Variants in ITPR1 observed in about 807,000 individuals in gnomAD.
ITPR1 encodes inositol 1,4,5-trisphosphate-gated calcium channel ITPR1.
In ITPR1, 96 loss-of-function variants were observed where a neutral mutation model predicts 318.4. The observed-to-expected ratio is 0.30, with a 90% CI of 0.26 to 0.36. The LOEUF (loss-of-function observed/expected upper bound fraction) is 0.36. Ranked by LOEUF, ITPR1 falls within the 10% of genes least tolerant of loss-of-function variation. The pLI, the probability that ITPR1 is intolerant of heterozygous loss-of-function variation, is 1.00. For synonymous variants in ITPR1, 1,312 were observed against 1,289.9 expected (o/e 1.02, Z -0.37); for missense variants, 2,440 against 3,460.2 (o/e 0.71, Z 7.40).
Position 4,846,612 on chromosome 3 carries a change from T to A in ITPR1, c.*387T>A, listed in dbSNP as rs962276578. 1 of 157,124 alleles carries A rather than the reference T, an allele frequency of 6.4e-6. No homozygotes were observed. Among genetic ancestry groups the A allele is most frequent in the Non-Finnish European group, 1.4e-5 (1 of 70,850 alleles). The allele number at this position is 157,124 out of a possible 1,614,324, so 9.7% of individuals were successfully genotyped here. A position where few individuals can be genotyped will look rare whatever the true frequency, so the allele number is the denominator to read the frequency against. ...ATACGAATTATGCAATCACAATACA[T>A]TTGTAGCTCCCGAGTGTCCTAAAGG... On this transcript the variant is annotated 3_prime_UTR_variant, in exon 62 of 62. Transcript: ENST00000649015.
intron 46 of ITPR1, among the ~76,000 whole-genome samples, chr3:4,770,148 A>G (rs916460631): frequency 1.3e-5 from 2 of 152,176 alleles, no homozygotes; most frequent in African/African-American, 4.8e-5. Context: ...GCTAGTCCAG[A>G]TCTGGCCAGG....
In ITPR1 at chr3:4,665,147, T is replaced by C. The variant is rs761293724; in HGVS notation, c.1564T>C (p.Leu522=). The C allele has an allele frequency of 6.2e-7, 1 of 1,613,890 alleles. No individual in the cohort carries two copies. Among genetic ancestry groups the C allele is most frequent in the Non-Finnish European group, 8.5e-7 (1 of 1,179,880 alleles). Residue 522 remains leucine (L), a synonymous_variant, in exon 17 of 62, where the codon TTG becomes CTG. Coordinates refer to ENST00000649015, the MANE Select transcript of ITPR1 (RefSeq NM_001378452.1). ...TCATTTTCACAAACAGATCTTCAAGTTGTTACAAGCCCCATTCACAGACTG... is the reference window on the plus strand; with the variant it reads ...TCATTTTCACAAACAGATCTTCAAGCTGTTACAAGCCCCATTCACAGACTG... ...EQNILKQIFK[L]LQAPFTDCGD... is the part of the protein sequence containing the mutation.
At position 4,697,158 on chromosome 3, in the gene ITPR1, A is replaced by G. The variant is rs769168934; in HGVS notation, c.4293A>G (p.Ala1431=). The G allele has an allele frequency of 3.7e-6, 6 of 1,610,488 alleles. No homozygotes were observed. The highest frequency in any genetic ancestry group is 4.2e-6 in the Non-Finnish European group (5 of 1,178,150). The change falls in exon 34 of 62, where the codon GCA becomes GCG. Residue 1431 remains alanine (A), a synonymous_variant. Coordinates refer to ENST00000649015, the MANE Select transcript of ITPR1 (RefSeq NM_001378452.1). ...HEDCIPEVKI[A]YINFLNHCYV... is the part of the protein sequence containing the mutation. Reference sequence around the variant, plus strand: ...TTTCTATCTTGCAGGTTAAAATTGCATACATTAACTTCCTGAATCACTGCT... The same window carrying G: ...TTTCTATCTTGCAGGTTAAAATTGCGTACATTAACTTCCTGAATCACTGCT...
At chr3:4,685,303 T>G in intron 30 of ITPR1, 97 bp downstream of exon 30, 1 of 1,241,702 alleles carries the variant, frequency 8.1e-7, no homozygotes, top group Non-Finnish European at 1.1e-6. Context: ...AGTGAAGAAA[T>G]GCATCCAGTG....
chr3:4,657,126 C>T (rs2093727868), intron 12 of ITPR1, among the ~76,000 whole-genome samples: 2 of 152,184 alleles, frequency 1.3e-5, no homozygotes, highest in African/African-American at 2.4e-5. Flanking sequence ...CATCAGCAGC[C>T]CTCTCAATTA....
chr3:4,609,723 G>C (rs1358653831), intron 4 of ITPR1, among the ~76,000 whole-genome samples: 1 of 151,808 alleles, frequency 6.6e-6, no homozygotes, highest in Non-Finnish European at 1.5e-5. Context: ...GTCGGGGCTG[G>C]TTGGAAATGC....
rs1366803297 is a variant in ITPR1 at position 4,516,380 on chromosome 3, C to G, written c.-16-96C>G. 3.6e-5 allele frequency: 23 copies of G among 633,968 alleles called. 1 individual carries two copies. The South Asian group carries it at 5.5e-4, about 15-fold the overall frequency. The allele number at this position is 633,968 out of a possible 1,614,324, so 39.3% of individuals were successfully genotyped here. On this transcript the variant is annotated intron_variant, in intron 2 of 61. Transcript: ENST00000649015. The stretch of plus-strand genomic sequence containing the variant: ...TTAAATTTGACTTTTAAGTAAGGCG[C>G]TTTGGAAAATTGAGCTAAGCCAACT...
intron 23 of ITPR1, 59 bp downstream of exon 23, chr3:4,675,307 C>G: frequency 8.1e-7 from 1 of 1,235,698 alleles, no homozygotes; most frequent in Non-Finnish European, 1.2e-6. Context: ...TCCTGTTATG[C>G]TCATGTCATA....
chr3:4,793,208 T>TTTCTTATTCATGAACTATA (rs2047681063), intron 52 of ITPR1, among the ~76,000 whole-genome samples: 1 of 152,236 alleles, frequency 6.6e-6, no homozygotes, highest in African/African-American at 2.4e-5. Context: ...ATAAGATTCA[T>TTTCTTATTCATGAACTATA]TTCATGAACT....
At chr3:4,622,109 C>CTTTTT (rs894926425) in intron 4 of ITPR1, among the ~76,000 whole-genome samples, 12 of 105,836 alleles carry the variant, frequency 1.1e-4, no homozygotes, top group South Asian at 3.6e-4. Context: ...ACATAGTAGA[C>CTTTTT]TTTTTTTTTT....
chr3:4,728,337 C>T (rs750794629), intron 42 of ITPR1, among the ~76,000 whole-genome samples: 16 of 152,194 alleles, frequency 1.1e-4, no homozygotes, highest in Non-Finnish European at 1.8e-4. Context: ...ACAAGTAGGA[C>T]CTTGAGACTC....
At chr3:4,695,994 T>A (rs1174315271) in intron 33 of ITPR1, among the ~76,000 whole-genome samples, 1 of 152,190 alleles carries the variant, frequency 6.6e-6, no homozygotes, top group African/African-American at 2.4e-5. Flanking sequence ...GCATGGTTGC[T>A]CCAGTTACCA....
intron 4 of ITPR1, among the ~76,000 whole-genome samples, chr3:4,522,937 G>A (rs1232218625): frequency 6.6e-6 from 1 of 152,210 alleles, no homozygotes; most frequent in Non-Finnish European, 1.5e-5. Context: ...AGATCACCTG[G>A]AGAACTCTCA....
At chr3:4,809,044 A>T (rs991354309) in intron 55 of ITPR1, among the ~76,000 whole-genome samples, 2 of 152,240 alleles carry the variant, frequency 1.3e-5, no homozygotes, top group African/African-American at 4.8e-5. Flanking sequence ...AAACAAAGAC[A>T]TGCTAATTAA....
intron 60 of ITPR1, among the ~76,000 whole-genome samples, chr3:4,819,230 G>C (rs1048347705): frequency 6.6e-6 from 1 of 152,218 alleles, no homozygotes; most frequent in African/African-American, 2.4e-5. Context: ...CAGCGATTAC[G>C]TGGTTGTGTT....
At chr3:4,693,451 G>C in intron 32 of ITPR1, 39 bp from the exon 33 acceptor site, 1 of 1,597,190 alleles carries the variant, frequency 6.3e-7, no homozygotes, top group Non-Finnish European at 8.6e-7. Flanking sequence ...CCCCACCCCT[G>C]CAAGCTTGTA....
intron 4 of ITPR1, among the ~76,000 whole-genome samples, chr3:4,556,647 G>A (rs566657731): frequency 1.1e-4 from 17 of 151,980 alleles, no homozygotes; most frequent in East Asian, 1.9e-4. Flanking sequence ...TCTATAGCCC[G>A]TTTCTTTTCA....
intron 29 of ITPR1, among the ~76,000 whole-genome samples, 163 bp from the exon 30 acceptor site, chr3:4,684,906 T>A (rs2094364646): frequency 6.6e-6 from 1 of 152,268 alleles, no homozygotes; most frequent in African/African-American, 2.4e-5. Context: ...CTTATGGATT[T>A]GGCTTGATGG....
chr3:4,554,153 G>A (rs2085877410), intron 4 of ITPR1, among the ~76,000 whole-genome samples: 2 of 152,210 alleles, frequency 1.3e-5, no homozygotes, highest in South Asian at 4.1e-4. Context: ...TTATTGGTGA[G>A]GAAACAGGTT....
Sources: allele counts gnomAD v4.1 joint callset (sites outside exome capture counted in the v4.1 genomes callset), GRCh38; gene constraint gnomAD v4.1.1; transcripts MANE v1.5; gene names NCBI Gene and HGNC (gene_info 2026-07-23, HGNC 2026-07-21).